PMP22: variants seen among roughly 807,000 people sequenced by gnomAD.
The protein encoded by PMP22 is Charcot-Marie-Tooth neuropathy 1A (greatly reduced nerve conduction velocity, hereditary motor sensory neuropathy Ia).
A neutral mutation model predicts 18.9 loss-of-function variants in PMP22; 2 were observed. The ratio of observed to expected loss-of-function variants is 0.11; its 90% CI spans 0.04 to 0.33. The LOEUF is 0.33. Ranked by LOEUF, PMP22 falls within the 10% of genes least tolerant of loss-of-function variation. The pLI, the probability that PMP22 is intolerant of heterozygous loss-of-function variation, is 1.00. For synonymous variants in PMP22, 95 were observed against 89.2 expected (o/e 1.07, Z -0.37); for missense variants, 169 against 202.2 (o/e 0.84, Z 1.00).
At chr17:15,244,737 A>G (rs1907644980) in intron 3 of PMP22, among the ~76,000 whole-genome samples, 1 of 152,210 alleles carries the variant, frequency 6.6e-6, no homozygotes, top group South Asian at 2.1e-4. Flanking sequence ...GCGTATAGAC[A>G]TCCACAGGCA....
chr17:15,250,349 C>T (rs1241974841), intron 3 of PMP22, among the ~76,000 whole-genome samples: 1 of 152,102 alleles, frequency 6.6e-6, no homozygotes, highest in Non-Finnish European at 1.5e-5. Flanking sequence ...GAACCCTGTT[C>T]CCCTTTTCTG....
At chr17:15,259,334 CG>C (rs1265630848) in intron 2 of PMP22, 141 bp from the exon 3 acceptor site, 3 of 711,872 alleles carry the variant, frequency 4.2e-6, no homozygotes, top group Non-Finnish European at 5.1e-6. Flanking sequence ...TAAGAGCCAA[CG>C]TTTTATGACT....
intron 1 of PMP22, among the ~76,000 whole-genome samples, chr17:15,262,901 G>T (rs1305028702): frequency 6.6e-6 from 1 of 152,152 alleles, no homozygotes. Flanking sequence ...GGATGCCCAG[G>T]GCTGGGCTTC....
intron 4 of PMP22, among the ~76,000 whole-genome samples, chr17:15,236,633 G>A (rs1345032104): frequency 6.6e-6 from 1 of 152,150 alleles, no homozygotes; most frequent in Non-Finnish European, 1.5e-5. Context: ...CACTTGCCAG[G>A]TTTTCCCAAA....
intron 3 of PMP22, among the ~76,000 whole-genome samples, chr17:15,245,931 T>C (rs1212355410): frequency 6.7e-6 from 1 of 150,276 alleles, no homozygotes; most frequent in African/African-American, 2.5e-5. Context: ...GAGAATGGCG[T>C]GAACCCTGGA....
At chr17:15,254,066 G>A (rs1908598723) in intron 3 of PMP22, among the ~76,000 whole-genome samples, 1 of 152,174 alleles carries the variant, frequency 6.6e-6, no homozygotes. Context: ...GTGAGAAAAC[G>A]CTGAAATTCC....
At position 15,230,884 on chromosome 17, in the gene PMP22, C is replaced by T. The variant is rs201128796; in HGVS notation, c.*33G>A. 1.7e-4 allele frequency: 281 copies of T among 1,610,968 alleles called. 1 individual carries two copies. Among genetic ancestry groups the T allele is most frequent in the South Asian group, 6.5e-4 (59 of 91,030 alleles). The stretch of plus-strand genomic sequence containing the variant: ...TTTCCCTTCCTCCCTTCCCTATGTA[C>T]GCTCAGAGCCTCAGACAGACCGTCT... On this transcript the variant is annotated 3_prime_UTR_variant, in exon 5 of 5. Coordinates refer to ENST00000312280, the MANE Select transcript of PMP22 (RefSeq NM_000304.4).
chr17:15,262,133 C>T (rs1254678754), intron 1 of PMP22, among the ~76,000 whole-genome samples: 1 of 152,188 alleles, frequency 6.6e-6, no homozygotes, highest in Non-Finnish European at 1.5e-5. Context: ...CCAGTGTGTC[C>T]CAGAGTCAAC....
intron 3 of PMP22, among the ~76,000 whole-genome samples, chr17:15,240,948 A>G (rs1027414083): frequency 6.6e-6 from 1 of 152,218 alleles, no homozygotes; most frequent in Non-Finnish European, 1.5e-5. Context: ...TAAGGGTGCA[A>G]ATTAGGTTAA....
At chr17:15,231,159 C>T (rs1906313730) in intron 4 of PMP22, 79 bp from the exon 5 acceptor site, 11 of 1,397,390 alleles carry the variant, frequency 7.9e-6, no homozygotes, top group Non-Finnish European at 1.0e-5. Context: ...CGGATGCTGA[C>T]AATTGCTGGG....
intron 1 of PMP22, among the ~76,000 whole-genome samples, chr17:15,264,103 G>A (rs1439765454): frequency 6.6e-6 from 1 of 152,094 alleles, no homozygotes; most frequent in East Asian, 1.9e-4. Flanking sequence ...CATAATAAGG[G>A]CCCAGTGCCC....
At chr17:15,231,580 C>G (rs559326848) in intron 4 of PMP22, among the ~76,000 whole-genome samples, 15 of 152,344 alleles carry the variant, frequency 9.8e-5, no homozygotes, top group African/African-American at 3.6e-4. Context: ...CCACAGGGGC[C>G]TATGGTCCCC....
intron 3 of PMP22, among the ~76,000 whole-genome samples, chr17:15,253,970 C>T (rs1413252885): frequency 1.3e-5 from 2 of 152,118 alleles, no homozygotes; most frequent in South Asian, 2.1e-4. Context: ...CTCTGGTACA[C>T]GAGAGTTGTT....
chr17:15,235,113 C>T (rs1385569477), intron 4 of PMP22: 3 of 669,390 alleles, frequency 4.5e-6, no homozygotes, highest in East Asian at 5.4e-5. Flanking sequence ...CGCCACCACA[C>T]CTGGCCCAAA....
intron 3 of PMP22, among the ~76,000 whole-genome samples, chr17:15,252,954 C>T (rs1249872929): frequency 1.3e-5 from 2 of 152,220 alleles, no homozygotes; most frequent in Non-Finnish European, 2.9e-5. Context: ...GTCAGGTCCA[C>T]ACAAATTAAA....
chr17:15,240,405 A>ATT (rs59646634), intron 3 of PMP22, among the ~76,000 whole-genome samples: 85 of 121,402 alleles, frequency 7.0e-4, no homozygotes, highest in African/African-American at 9.3e-4. Flanking sequence ...GACAACCCGT[A>ATT]TTTTTTTTTT....
chr17:15,257,933 A>G (rs1908980563), intron 3 of PMP22, among the ~76,000 whole-genome samples: 1 of 152,204 alleles, frequency 6.6e-6, no homozygotes, highest in African/African-American at 2.4e-5. Flanking sequence ...TTTGGTTTAT[A>G]ATGCTTCAGC....
rs947367708 is a variant in PMP22, at chr17:15,230,433, C to A, written c.*484G>T. 5.7e-6 allele frequency: 1 copy of A among 173,982 alleles called. No individual in the cohort carries two copies. Among genetic ancestry groups the A allele is most frequent in the Admixed American group, 5.6e-5 (1 of 18,006 alleles). 10.8% of individuals were successfully genotyped at this position (173,982 alleles called of 1,614,324 possible). The stretch of plus-strand genomic sequence containing the variant: ...GTTTCTGTTGGATGCACTGGGTCAC[C>A]CACCAGAAAAGGGCTTTTGGACATT... On this transcript the variant is annotated 3_prime_UTR_variant, in exon 5 of 5. Transcript: ENST00000312280.
chr17:15,250,016 C>T (rs550304235), intron 3 of PMP22, among the ~76,000 whole-genome samples: 3 of 152,100 alleles, frequency 2.0e-5, no homozygotes, highest in Non-Finnish European at 4.4e-5. Context: ...CCCGGGTTCA[C>T]GCCATTCTCC....
Sources: allele counts gnomAD v4.1 joint callset (sites outside exome capture counted in the v4.1 genomes callset), GRCh38; gene constraint gnomAD v4.1.1; transcripts MANE v1.5; gene names NCBI Gene and HGNC (gene_info 2026-07-23, HGNC 2026-07-21).